The following ADAM18 variants were observed in gnomAD, a reference collection of about 807,000 sequenced individuals.
ADAM18 encodes the protein disintegrin and metalloproteinase domain-containing protein 18.
Under a neutral mutation model 94.4 loss-of-function variants are expected in ADAM18, and 117 were observed. That is an observed-to-expected ratio of 1.24 (90% CI 1.07 to 1.45). The LOEUF is 1.45. Among genes scored for constraint, ADAM18 ranks in the 40% most tolerant of loss-of-function variants. The probability of loss-of-function intolerance (pLI) is 0.00; values close to 1 mark genes in which losing one functional copy is unlikely to be tolerated. For synonymous variants in ADAM18, 327 were observed against 291.6 expected (o/e 1.12, Z -1.24); for missense variants, 936 against 880.0 (o/e 1.06, Z -0.81).
intron 12 of ADAM18, among the ~76,000 whole-genome samples, chr8:39,662,882 C>T (rs562677145): frequency 2.8e-3 from 429 of 152,306 alleles, no homozygotes; most frequent in Non-Finnish European, 4.4e-3. Context: ...ACCTTGGCCT[C>T]CCAAAGTGCT....
chr8:39,632,925 C>A (rs919070828), intron 7 of ADAM18, among the ~76,000 whole-genome samples: 1 of 152,086 alleles, frequency 6.6e-6, no homozygotes, highest in Non-Finnish European at 1.5e-5. Flanking sequence ...CTTCATAATT[C>A]ATGTATTGAA....
chr8:39,680,359 T>G, intron 16 of ADAM18, 133 bp downstream of exon 16: 1 of 883,296 alleles, frequency 1.1e-6, no homozygotes, highest in South Asian at 2.0e-5. Context: ...CCATGTGATA[T>G]TTAAATGATA....
chr8:39,587,164 G>A (rs1818427214), intron 2 of ADAM18, among the ~76,000 whole-genome samples: 1 of 152,182 alleles, frequency 6.6e-6, no homozygotes, highest in Non-Finnish European at 1.5e-5. Context: ...CACAGTCGAT[G>A]TACTAAACAT....
At position 39,692,599 on chromosome 8, in the gene ADAM18, G is replaced by A; in HGVS notation, c.1822-1G>A. 6.3e-7 allele frequency: 1 copy of A among 1,590,458 alleles called. No individual in the cohort carries two copies. Among genetic ancestry groups the A allele is most frequent in the Non-Finnish European group, 8.6e-7 (1 of 1,166,508 alleles). On this transcript the variant is annotated splice_acceptor_variant, in intron 16 of 19. Coordinates refer to ENST00000265707, the MANE Select transcript of ADAM18 (RefSeq NM_014237.3). LOFTEE classifies it high-confidence loss of function. The stretch of plus-strand genomic sequence containing the variant: ...TAAAATTTTTGTTTGTTTTGTTTTA[G>A]TACTGTGTAAATAAAACCTGCAGAA...
intron 18 of ADAM18, among the ~76,000 whole-genome samples, chr8:39,719,681 C>A (rs181366503): frequency 2.6e-5 from 4 of 151,412 alleles, no homozygotes; most frequent in Non-Finnish European, 4.4e-5. Context: ...CAACATAGGT[C>A]ATTGGAGAAA....
chr8:39,639,992 A>G (rs546820419), intron 10 of ADAM18, among the ~76,000 whole-genome samples: 1 of 152,232 alleles, frequency 6.6e-6, no homozygotes, highest in Admixed American at 6.6e-5. Context: ...ATTGTGTGAA[A>G]GTTATATGAT....
At chr8:39,710,095 T>G (rs1822353936) in intron 18 of ADAM18, among the ~76,000 whole-genome samples, 1 of 152,212 alleles carries the variant, frequency 6.6e-6, no homozygotes, top group Non-Finnish European at 1.5e-5. Context: ...GATGATACAG[T>G]TGTGTAGAGT....
Position 39,661,410 on chromosome 8 carries a change from G to A in ADAM18, c.1231-2385G>A, listed in dbSNP as rs184059380. ...AGGATGGTCTCTATCTCCTGACCTCGTGATCCGCCTTCCTCAGCCTCCCAA... is the reference window on the plus strand; with the variant it reads ...AGGATGGTCTCTATCTCCTGACCTCATGATCCGCCTTCCTCAGCCTCCCAA... On this transcript the variant is annotated intron_variant, in intron 12 of 19. Coordinates refer to ENST00000265707, the MANE Select transcript of ADAM18 (RefSeq NM_014237.3). Among the ~76,000 whole-genome samples, 972 of 144,940 alleles carry A rather than the reference G, an allele frequency of 6.7e-3. 9 individuals carry two copies. Among genetic ancestry groups the A allele is most frequent in the Non-Finnish European group, 9.0e-3 (608 of 67,476 alleles).
At chr8:39,606,509 A>G (rs1045800634) in intron 3 of ADAM18, 147 bp downstream of exon 3, 17 of 487,902 alleles carry the variant, frequency 3.5e-5, no homozygotes, top group African/African-American at 3.2e-4. Flanking sequence ...TTTAGGATTC[A>G]TTAGGTTTTG....
chr8:39,601,124 C>T (rs776115145), intron 2 of ADAM18, among the ~76,000 whole-genome samples: 14 of 152,132 alleles, frequency 9.2e-5, no homozygotes, highest in African/African-American at 2.7e-4. Flanking sequence ...AACCAAATCT[C>T]GCGATAACTA....
rs531858155 is a variant in ADAM18 at position 39,645,984 on chromosome 8, G to A, written c.1046+510G>A. 4.6e-4 allele frequency among the ~76,000 whole-genome samples: 70 copies of A among 152,144 alleles called. No individual in the cohort carries two copies. In the South Asian group the frequency reaches 0.014, roughly 31 times the overall value. ...TAAAACAAAGTATTTTAAAATAATAGAGACAATCTGATTAAATAACATTAT... is the reference window on the plus strand; with the variant it reads ...TAAAACAAAGTATTTTAAAATAATAAAGACAATCTGATTAAATAACATTAT... On this transcript the variant is annotated intron_variant, in intron 11 of 19. Transcript: ENST00000265707.
In ADAM18 at chr8:39,717,586, T is replaced by C. The variant is rs1269112002; in HGVS notation, c.2018-6162T>C. On this transcript the variant is annotated intron_variant, in intron 18 of 19. Coordinates refer to ENST00000265707, the MANE Select transcript of ADAM18 (RefSeq NM_014237.3). ...TACAAAAGAATGAGTTGGATTCTTA[T>C]CTTACACCATACATACAGATGGACT... Among the ~76,000 whole-genome samples, 10 of 151,812 alleles carry C rather than the reference T, an allele frequency of 6.6e-5. No individual in the cohort carries two copies. The East Asian group carries it at 1.7e-3, about 26-fold the overall frequency.
chr8:39,651,460 C>G (rs1485887817), intron 12 of ADAM18, among the ~76,000 whole-genome samples: 1 of 152,166 alleles, frequency 6.6e-6, no homozygotes, highest in Admixed American at 6.5e-5. Flanking sequence ...GAGGTCCCTG[C>G]GGCCTTCCGC....
intron 12 of ADAM18, among the ~76,000 whole-genome samples, chr8:39,658,862 C>A (rs1272083252): frequency 6.6e-6 from 1 of 152,020 alleles, no homozygotes; most frequent in Non-Finnish European, 1.5e-5. Context: ...TTCATTATAA[C>A]CTGAATGTTG....
At chr8:39,651,272 A>G (rs868469563) in intron 12 of ADAM18, among the ~76,000 whole-genome samples, 2 of 152,172 alleles carry the variant, frequency 1.3e-5, no homozygotes, top group Admixed American at 1.3e-4. Context: ...AGCAGGAGAC[A>G]GATGCCTTTC....
chr8:39,707,222 T>C (rs66799519), intron 18 of ADAM18, among the ~76,000 whole-genome samples: 62,908 of 152,088 alleles, frequency 0.41, 14,711 homozygotes, highest in Middle Eastern at 0.55. Flanking sequence ...CTGAAGGTTC[T>C]ACTGGTCTTC....
intron 7 of ADAM18, among the ~76,000 whole-genome samples, chr8:39,636,038 AGAGG>A (rs1225440138): frequency 1.8e-4 from 27 of 146,176 alleles, no homozygotes; most frequent in Admixed American, 9.6e-4. Flanking sequence ...AGAGAGAGAG[AGAGG>A]GGGCCTCACT....
chr8:39,602,053 C>T (rs1418107320), intron 2 of ADAM18, among the ~76,000 whole-genome samples: 2 of 151,930 alleles, frequency 1.3e-5, no homozygotes, highest in African/African-American at 4.8e-5. Context: ...ACATTTTATT[C>T]GTCTATTCGT....
chr8:39,675,454 C>T (rs555543314), intron 14 of ADAM18, among the ~76,000 whole-genome samples: 4 of 152,286 alleles, frequency 2.6e-5, no homozygotes, highest in Non-Finnish European at 4.4e-5. Flanking sequence ...AGTTCTCGTG[C>T]CATGGTTTTC....
Sources: allele counts gnomAD v4.1 joint callset (sites outside exome capture counted in the v4.1 genomes callset), GRCh38; gene constraint gnomAD v4.1.1; transcripts MANE v1.5; gene names NCBI Gene and HGNC (gene_info 2026-07-23, HGNC 2026-07-21).